The following TAFA1 variants were observed in gnomAD, a reference collection of about 807,000 sequenced individuals.
The protein encoded by TAFA1 is chemokine-like protein TAFA-1.
A neutral mutation model predicts 18.5 loss-of-function variants in TAFA1; 4 were observed. That is an observed-to-expected ratio of 0.22 (90% CI 0.11 to 0.49). The LOEUF (loss-of-function observed/expected upper bound fraction) is 0.49. Ranked by LOEUF, TAFA1 falls within the 20% of genes least tolerant of loss-of-function variation. The pLI is 0.98. For synonymous variants in TAFA1, 56 were observed against 55.2 expected (o/e 1.01, Z -0.06); for missense variants, 147 against 169.0 (o/e 0.87, Z 0.72).
At chr3:68,402,367 T>C (rs572275768) in intron 2 of TAFA1, among the ~76,000 whole-genome samples, 1 of 152,298 alleles carries the variant, frequency 6.6e-6, no homozygotes, top group African/African-American at 2.4e-5. Context: ...CGGACGGCCT[T>C]AGACTTCTGA....
chr3:68,509,662 G>T (rs1179543668), intron 3 of TAFA1, among the ~76,000 whole-genome samples: 2 of 152,046 alleles, frequency 1.3e-5, no homozygotes, highest in African/African-American at 4.8e-5. Context: ...TCTTGAAAGG[G>T]TAACATATCC....
intron 3 of TAFA1, among the ~76,000 whole-genome samples, chr3:68,465,520 C>G (rs929876927): frequency 2.6e-5 from 4 of 152,116 alleles, no homozygotes; most frequent in African/African-American, 9.7e-5. Context: ...GTGAAAGAAG[C>G]AATGAAATCC....
chr3:68,489,269 C>T (rs2072407660), intron 3 of TAFA1, among the ~76,000 whole-genome samples: 1 of 152,116 alleles, frequency 6.6e-6, no homozygotes, highest in African/African-American at 2.4e-5. Flanking sequence ...GAGAAGCGTG[C>T]CTCATGCAAA....
rs139720663 is a variant in TAFA1 at position 68,386,157 on chromosome 3, A to C, written c.119-31123A>C. On this transcript the variant is annotated intron_variant, in intron 2 of 4. Coordinates refer to ENST00000478136, the MANE Select transcript of TAFA1 (RefSeq NM_213609.4). The stretch of plus-strand genomic sequence containing the variant: ...CAAATTTATTCTCCACACCATGAAT[A>C]ATATTTTTTCAGTAACACACGATAG... Among the ~76,000 whole-genome samples, 1,016 of 152,222 alleles carry C rather than the reference A, an allele frequency of 6.7e-3. 8 individuals carry two copies. The highest frequency in any genetic ancestry group is 0.023 in the African/African-American group (957 of 41,554).
intron 3 of TAFA1, among the ~76,000 whole-genome samples, chr3:68,484,874 A>G (rs1414648457): frequency 6.6e-6 from 1 of 152,208 alleles, no homozygotes; most frequent in Non-Finnish European, 1.5e-5. Context: ...TTTAAATAGA[A>G]ACTTTAAATA....
intron 3 of TAFA1, among the ~76,000 whole-genome samples, chr3:68,419,844 A>G (rs1219094739): frequency 6.6e-6 from 1 of 152,188 alleles, no homozygotes; most frequent in Non-Finnish European, 1.5e-5. Flanking sequence ...ATCGCGGTGA[A>G]CCAATTAAAG....
intron 4 of TAFA1, among the ~76,000 whole-genome samples, chr3:68,542,903 A>G (rs141477826): frequency 6.6e-6 from 1 of 152,288 alleles, no homozygotes; most frequent in East Asian, 1.9e-4. Context: ...GCAATCAGAT[A>G]TACATTTGTC....
intron 3 of TAFA1, among the ~76,000 whole-genome samples, chr3:68,519,095 G>T (rs1457333449): frequency 1.3e-5 from 2 of 152,208 alleles, no homozygotes; most frequent in Non-Finnish European, 2.9e-5. Flanking sequence ...TTAGAATATT[G>T]CTACTGTGGT....
intron 3 of TAFA1, among the ~76,000 whole-genome samples, chr3:68,502,266 T>C (rs2072670682): frequency 1.3e-5 from 2 of 152,242 alleles, no homozygotes; most frequent in African/African-American, 4.8e-5. Flanking sequence ...ATTAATTCTG[T>C]TTTACAGATA....
At chr3:68,153,985 T>G (rs537583913) in intron 2 of TAFA1, among the ~76,000 whole-genome samples, 1 of 152,184 alleles carries the variant, frequency 6.6e-6, no homozygotes, top group Admixed American at 6.6e-5. Flanking sequence ...AAATCCTATG[T>G]CAGGCCTTTT....
intron 2 of TAFA1, among the ~76,000 whole-genome samples, chr3:68,341,157 G>A (rs2069075375): frequency 6.6e-6 from 1 of 152,210 alleles, no homozygotes; most frequent in Non-Finnish European, 1.5e-5. Flanking sequence ...CTGTGTGGGA[G>A]ACCATAGTTT....
At chr3:68,535,048 C>G (rs373423363) in intron 3 of TAFA1, among the ~76,000 whole-genome samples, 1 of 152,110 alleles carries the variant, frequency 6.6e-6, no homozygotes, top group African/African-American at 2.4e-5. Context: ...GGTTTAGATT[C>G]AGGGCAACAA....
chr3:68,095,907 G>A lies in TAFA1; in HGVS notation c.118+89163G>A, dbSNP rs114945995. On this transcript the variant is annotated intron_variant, in intron 2 of 4. Transcript: ENST00000478136. The stretch of plus-strand genomic sequence containing the variant: ...TAGAATGTGTCATGATCAAGTCATG[G>A]TAGATAGGCTATCCATCACCAGAAG... Among the ~76,000 whole-genome samples, 479 of 152,196 alleles carry A rather than the reference G, an allele frequency of 3.1e-3. 5 individuals are homozygous for A. Among genetic ancestry groups the A allele is most frequent in the African/African-American group, 0.011 (463 of 41,550 alleles).
At chr3:68,104,358 T>C (rs1294335670) in intron 2 of TAFA1, among the ~76,000 whole-genome samples, 1 of 152,060 alleles carries the variant, frequency 6.6e-6, no homozygotes, top group Admixed American at 6.6e-5. Context: ...ATTTTAAATG[T>C]GGAAAATATA....
chr3:68,018,141 T>C (rs190219552), intron 2 of TAFA1, among the ~76,000 whole-genome samples: 98 of 152,316 alleles, frequency 6.4e-4, no homozygotes, highest in African/African-American at 2.3e-3. Context: ...TTTTATTTCT[T>C]AATTACTTAG....
chr3:68,141,626 G>T (rs57457619), intron 2 of TAFA1, among the ~76,000 whole-genome samples: 4,247 of 152,284 alleles, frequency 0.028, 87 homozygotes, highest in East Asian at 0.1. Flanking sequence ...TATTGAGAAA[G>T]ATAAGTTTTG....
chr3:68,295,663 G>T (rs1010930882), intron 2 of TAFA1, among the ~76,000 whole-genome samples: 2 of 152,172 alleles, frequency 1.3e-5, no homozygotes, highest in African/African-American at 4.8e-5. Context: ...CTGGAGTACA[G>T]TGATGTCGTC....
At chr3:68,005,389 T>G (rs1265089144) in intron 1 of TAFA1, among the ~76,000 whole-genome samples, 1 of 152,250 alleles carries the variant, frequency 6.6e-6, no homozygotes, top group Non-Finnish European at 1.5e-5. Flanking sequence ...TTGCACTTAA[T>G]TATAGTTGTC....
intron 2 of TAFA1, among the ~76,000 whole-genome samples, chr3:68,197,716 TA>T (rs1254884450): frequency 1.3e-5 from 2 of 151,642 alleles, no homozygotes; most frequent in Non-Finnish European, 1.5e-5. Flanking sequence ...AGCCCTTGTT[TA>T]AAAACTTAAC....
Sources: allele counts gnomAD v4.1 joint callset (sites outside exome capture counted in the v4.1 genomes callset), GRCh38; gene constraint gnomAD v4.1.1; transcripts MANE v1.5; gene names NCBI Gene and HGNC (gene_info 2026-07-23, HGNC 2026-07-21).